Variants in RYR2 observed in about 807,000 individuals in gnomAD.
RYR2 encodes ryanodine receptor 2.
In RYR2, 227 loss-of-function variants were observed where a neutral mutation model predicts 601.1. That is an observed-to-expected ratio of 0.38 (90% confidence interval 0.34 to 0.42). RYR2 has a LOEUF of 0.42. RYR2 is among the 10% of genes least tolerant of loss of function. RYR2 has a pLI of 1.00. For synonymous variants in RYR2, 2,223 were observed against 2,175.1 expected (o/e 1.02, Z -0.61); for missense variants, 4,646 against 6,156.5 (o/e 0.75, Z 8.21).
At chr1:237,209,361 A>G (rs575182249) in intron 1 of RYR2, among the ~76,000 whole-genome samples, 174 of 152,214 alleles carry the variant, frequency 1.1e-3, no homozygotes, top group African/African-American at 4.1e-3. Context: ...TGCTCTATCC[A>G]TTTATCCATT....
At chr1:237,181,606 A>G (rs931621878) in intron 1 of RYR2, among the ~76,000 whole-genome samples, 7 of 152,214 alleles carry the variant, frequency 4.6e-5, no homozygotes, top group Middle Eastern at 3.4e-3. Context: ...CATACATACA[A>G]TTGGCTCTGG....
intron 1 of RYR2, among the ~76,000 whole-genome samples, chr1:237,052,703 T>G (rs1572459519): frequency 6.9e-6 from 1 of 145,264 alleles, no homozygotes; most frequent in East Asian, 2.0e-4. Flanking sequence ...AAGAACAGGG[T>G]TTTTTTTTTC....
At chr1:237,772,250 A>C in intron 86 of RYR2, 150 bp downstream of exon 86, 1 of 514,142 alleles carries the variant, frequency 1.9e-6, no homozygotes, top group East Asian at 3.2e-5. Context: ...TCTTAGAGCA[A>C]AACAGCCACT....
intron 23 of RYR2, among the ~76,000 whole-genome samples, 155 bp from the exon 24 acceptor site, chr1:237,511,533 A>G (rs1444855372): frequency 6.6e-6 from 1 of 152,142 alleles, no homozygotes; most frequent in African/African-American, 2.4e-5. Context: ...TCAGATACTC[A>G]CTGCGCCTGA....
chr1:237,725,052 A>G (rs1485546627), intron 74 of RYR2, among the ~76,000 whole-genome samples: 1 of 152,152 alleles, frequency 6.6e-6, no homozygotes, highest in Non-Finnish European at 1.5e-5. Flanking sequence ...GTGCTGTAAG[A>G]GAGGAAACAG....
intron 1 of RYR2, among the ~76,000 whole-genome samples, chr1:237,202,945 T>C (rs1422412976): frequency 6.6e-6 from 1 of 152,210 alleles, no homozygotes; most frequent in Non-Finnish European, 1.5e-5. Flanking sequence ...AACAACTTTC[T>C]AAAGTAACAT....
chr1:237,619,309 C>A (rs141808175), intron 38 of RYR2, among the ~76,000 whole-genome samples: 2 of 152,086 alleles, frequency 1.3e-5, no homozygotes, highest in South Asian at 2.1e-4. Context: ...AAAGCCTCAA[C>A]GGCAGAGAAA....
chr1:237,350,602 A>ATAT (rs1233607301), intron 3 of RYR2, among the ~76,000 whole-genome samples: 1 of 36,996 alleles, frequency 2.7e-5, no homozygotes, highest in Non-Finnish European at 5.0e-5. Context: ...AAAAAAAAAA[A>ATAT]ATATATATAT....
chr1:237,162,147 T>C (rs1676084566), intron 1 of RYR2, among the ~76,000 whole-genome samples: 1 of 152,208 alleles, frequency 6.6e-6, no homozygotes, highest in Non-Finnish European at 1.5e-5. Context: ...GTTAATCCTC[T>C]GCATCATAAA....
At chr1:237,671,145 T>G (rs1490967949) in intron 58 of RYR2, among the ~76,000 whole-genome samples, 1 of 152,200 alleles carries the variant, frequency 6.6e-6, no homozygotes, top group Non-Finnish European at 1.5e-5. Flanking sequence ...TCTTTAATTC[T>G]CTTACTGCAT....
chr1:237,781,345 G>A (rs944952667), intron 88 of RYR2, among the ~76,000 whole-genome samples: 2 of 152,204 alleles, frequency 1.3e-5, no homozygotes, highest in Admixed American at 6.5e-5. Context: ...GAGCCACTGC[G>A]CCCGGCCTAC....
In RYR2 at chr1:237,506,741, G is replaced by A. The variant is rs759678039; in HGVS notation, c.2645G>A (p.Arg882Lys). Residue 882 changes from arginine to lysine, a missense_variant, in exon 23 of 105, where the codon AGA becomes AAA. Transcript: ENST00000366574. ...IVLPPHLERIREKLAENIHEL... is the reference protein window; with the variant it reads ...IVLPPHLERIKEKLAENIHEL... The stretch of plus-strand genomic sequence containing the variant: ...TTGCCTCCTCATCTAGAAAGAATAA[G>A]AGAAAAACTGGCAGAGAATATCCAT... The A allele has an allele frequency of 6.2e-7, 1 of 1,613,520 alleles. No homozygotes were observed. The highest frequency in any genetic ancestry group is 1.7e-5 in the Admixed American group (1 of 59,988).
intron 1 of RYR2, among the ~76,000 whole-genome samples, chr1:237,220,469 T>C (rs1683688460): frequency 1.3e-5 from 2 of 152,216 alleles, no homozygotes; most frequent in South Asian, 4.1e-4. Flanking sequence ...TGAGCCATGT[T>C]AGCAGCTTCT....
intron 17 of RYR2, among the ~76,000 whole-genome samples, chr1:237,476,285 G>A (rs1661387331): frequency 6.6e-6 from 1 of 151,980 alleles, no homozygotes; most frequent in Non-Finnish European, 1.5e-5. Flanking sequence ...TGAGGTGGGT[G>A]GATCACCTGA....
At chr1:237,778,102 G>A (rs1047696064) in intron 87 of RYR2, among the ~76,000 whole-genome samples, 1 of 152,082 alleles carries the variant, frequency 6.6e-6, no homozygotes, top group African/African-American at 2.4e-5. Flanking sequence ...CAATTGCCTT[G>A]GATTCTGGAT....
chr1:237,372,023 G>T (rs933833201), intron 6 of RYR2, among the ~76,000 whole-genome samples: 3 of 151,568 alleles, frequency 2.0e-5, no homozygotes, highest in African/African-American at 7.3e-5. Flanking sequence ...CTGCACATTG[G>T]GCACATGTAC....
chr1:237,506,877 T>G, intron 23 of RYR2, 63 bp downstream of exon 23: 1 of 1,355,414 alleles, frequency 7.4e-7, no homozygotes, highest in Non-Finnish European at 1.0e-6. Flanking sequence ...ACATAACTTT[T>G]TCTGCCTTTT....
intron 96 of RYR2, among the ~76,000 whole-genome samples, chr1:237,797,321 A>G (rs932150558): frequency 2.0e-5 from 3 of 152,262 alleles, no homozygotes; most frequent in South Asian, 2.1e-4. Flanking sequence ...CATGGAATCT[A>G]TACTAGATGC....
chr1:237,222,594 C>G (rs558174738), intron 1 of RYR2, among the ~76,000 whole-genome samples: 112 of 151,978 alleles, frequency 7.4e-4, no homozygotes, highest in Non-Finnish European at 1.4e-3. Context: ...TGATAGTACG[C>G]TGGAAAGAAA....
Sources: allele counts gnomAD v4.1 joint callset (sites outside exome capture counted in the v4.1 genomes callset), GRCh38; gene constraint gnomAD v4.1.1; transcripts MANE v1.5; gene names NCBI Gene and HGNC (gene_info 2026-07-23, HGNC 2026-07-21).